DPP7: variants seen among roughly 807,000 people sequenced by gnomAD.
DPP7 encodes dipeptidyl peptidase 7.
A neutral mutation model predicts 58.8 loss-of-function variants in DPP7; 74 were observed. The observed-to-expected ratio is 1.26, with a 90% CI of 1.04 to 1.53. The LOEUF is 1.53. DPP7 is among the 40% of genes most tolerant of loss of function. The probability of loss-of-function intolerance (pLI) is 0.00; values close to 1 mark genes in which losing one functional copy is unlikely to be tolerated. For missense variants in DPP7, 807 were observed against 692.3 expected (o/e 1.17, Z -1.86); for synonymous variants, 350 against 303.6 (o/e 1.15, Z -1.59).
Position 137,114,710 on chromosome 9 carries a change from C to T in DPP7, c.4G>A (p.Gly2Ser). 1 of 1,285,838 alleles carries T rather than the reference C, an allele frequency of 7.8e-7. No individual in the cohort carries two copies. The highest frequency in any genetic ancestry group is 4.2e-5 in the Admixed American group (1 of 23,704). 79.7% of individuals were successfully genotyped at this position (1,285,838 alleles called of 1,614,324 possible). Residue 2 changes from glycine (G) to serine (S), a missense_variant, in exon 1 of 13, where the codon GGC (glycine) becomes AGC (serine). Gly to Ser is a moderately conservative substitution (Grantham distance 56, BLOSUM62 0). Coordinates refer to ENST00000371579, the MANE Select transcript of DPP7 (RefSeq NM_013379.3). M[G>S]SAPWAPVLLL... Reference sequence around the variant, plus strand: ...AGGACCGGGGCCCAGGGAGCGGAGCCCATGTCGCCTTCCGCGGGCGCCCGT... The same window carrying T: ...AGGACCGGGGCCCAGGGAGCGGAGCTCATGTCGCCTTCCGCGGGCGCCCGT...
rs756642988 is a variant in DPP7, at chr9:137,112,163, A to C, written c.999T>G (p.Ala333=). 2 of 1,609,542 alleles carry C rather than the reference A, an allele frequency of 1.2e-6. No homozygotes were observed. The highest frequency in any genetic ancestry group is 1.7e-6 in the Non-Finnish European group (2 of 1,179,692). The change falls in exon 9 of 13, where the codon GCT becomes GCG. Residue 333 remains alanine (A), a synonymous_variant. Transcript: ENST00000371579. The part of the protein sequence containing the change: ...YDIYRLYHSC[A]DPTGCGTGPD... Reference sequence around the variant, plus strand: ...GGCCGGTGCCGCAGCCAGTGGGGTCAGCACAGCTGTGGTAGAGCCGGTAGA... The same window carrying C: ...GGCCGGTGCCGCAGCCAGTGGGGTCCGCACAGCTGTGGTAGAGCCGGTAGA...
chr9:137,116,271 G>T (rs1831633448), upstream of DPP7, among the ~76,000 whole-genome samples: 1 of 152,374 alleles, frequency 6.6e-6, no homozygotes, highest in South Asian at 2.1e-4. Flanking sequence ...CTCTGCCAGG[G>T]GTGAGGGTGG....
In DPP7 at chr9:137,113,036, G is replaced by C; in HGVS notation, c.787C>G (p.Arg263Gly). 1.2e-6 allele frequency: 2 copies of C among 1,613,836 alleles called. No homozygotes were observed. Among genetic ancestry groups the C allele is most frequent in the East Asian group, 2.2e-5 (1 of 44,880 alleles). ...KDLTQLFMFA[R>G]NAFTVLAMMD... ...ATGGCCAGCACGGTGAAGGCATTCC[G>C]GGCGAACATGAAGAGCTGGGTCAGG... The change falls in exon 7 of 13, where the codon CGG becomes GGG. Residue 263 changes from arginine (R) to glycine (G), a missense_variant. This residue lies in a region of DPP7 where 624 missense variants were observed against 531.2 expected (regional missense o/e 1.17). Transcript: ENST00000371579.
upstream of DPP7, chr9:137,115,106 G>A (rs906395686): frequency 1.1e-5 from 2 of 175,192 alleles, no homozygotes; most frequent in African/African-American, 4.7e-5. Flanking sequence ...CTGCCCTAAG[G>A]GCGGGAGGGA....
chr9:137,115,667 C>G (rs1263282738), upstream of DPP7, among the ~76,000 whole-genome samples: 1 of 152,122 alleles, frequency 6.6e-6, no homozygotes, highest in South Asian at 2.1e-4. Flanking sequence ...TTCCACAGCC[C>G]CTCACGCCAT....
Position 137,111,675 on chromosome 9 carries a change from C to G in DPP7, c.1272+15G>C, listed in dbSNP as rs777084651. ...AACAAACTAACGGGGTCATAGGGCC[C>G]AGGCCAGGACTCACCCCGCCCCCTG... On this transcript the variant is annotated intron_variant, in intron 11 of 12. Coordinates refer to ENST00000371579, the MANE Select transcript of DPP7 (RefSeq NM_013379.3). 15 of 1,612,858 alleles carry G rather than the reference C, an allele frequency of 9.3e-6. No homozygotes were observed. The South Asian group carries it at 1.4e-4, about 15-fold the overall frequency.
Position 137,113,951 on chromosome 9 carries a change from C to G in DPP7, c.399G>C (p.Gln133His), listed in dbSNP as rs1831506988. 6.3e-7 allele frequency: 1 copy of G among 1,587,906 alleles called. No individual in the cohort carries two copies. The highest frequency in any genetic ancestry group is 1.3e-5 in the African/African-American group (1 of 74,384). The change falls in exon 4 of 13, where the codon CAG becomes CAC. Residue 133 changes from glutamine (Q) to histidine (H), a missense_variant. Physicochemically the swap from Gln to His is conservative, Grantham distance 24. Coordinates refer to ENST00000371579, the MANE Select transcript of DPP7 (RefSeq NM_013379.3). ...GCAGCTCTGCGAAGTCGGCCAGGGC[C>G]TGCTCCACCGTCAGCAGCTCCGTGT... ...RGHTELLTVE[Q>H]ALADFAELLR...
rs751841020 is a variant in DPP7 at position 137,113,143 on chromosome 9, G to A, written c.704-24C>T. ...GGCTGCGTGGAAGGGGCAGAGACTT[G>A]AAGTTTGGGCATAGCTGGCGCTGGG... On this transcript the variant is annotated intron_variant, in intron 6 of 12. Transcript: ENST00000371579. 3 of 1,613,694 alleles carry A rather than the reference G, an allele frequency of 1.9e-6. No individual in the cohort carries two copies. The African/African-American group carries it at 4.0e-5, about 22-fold the overall frequency.
At position 137,110,637 on chromosome 9, in the gene DPP7, C is replaced by G; in HGVS notation, c.*11G>C. 1 of 1,609,596 alleles carries G rather than the reference C, an allele frequency of 6.2e-7. No individual in the cohort carries two copies. The highest frequency in any genetic ancestry group is 8.5e-7 in the Non-Finnish European group (1 of 1,179,700). On this transcript the variant is annotated 3_prime_UTR_variant, in exon 13 of 13. Transcript: ENST00000371579. ...TCCATGAGGAGCCTTGAGACCCCTC[C>G]AGTCCTGTGCTCAGAGGCTGAGTCT...
Position 137,110,860 on chromosome 9 carries a change from C to CA in DPP7, c.1343+19dup. On this transcript the variant is annotated intron_variant, in intron 12 of 12. Coordinates refer to ENST00000371579, the MANE Select transcript of DPP7 (RefSeq NM_013379.3). ...GTCCCGCCCGACCCGCGACCACCGCCAGGCCACCTCCCTCCGCACCTGAGG... is the reference window on the plus strand; with the variant it reads ...GTCCCGCCCGACCCGCGACCACCGCCAAGGCCACCTCCCTCCGCACCTGAGG... 6.2e-7 allele frequency: 1 copy of CA among 1,609,384 alleles called. No individual in the cohort carries two copies.
chr9:137,112,111 C>A lies in DPP7; in HGVS notation c.1050+1G>T. On this transcript the variant is annotated splice_donor_variant, in intron 9 of 12. Coordinates refer to ENST00000371579, the MANE Select transcript of DPP7 (RefSeq NM_013379.3). LOFTEE classifies it high-confidence loss of function. ...GTTCCAGGCCACCCACACCCCCACACCTGGTAGTCCCAGGCCCTGGCGTCG... is the reference window on the plus strand; with the variant it reads ...GTTCCAGGCCACCCACACCCCCACAACTGGTAGTCCCAGGCCCTGGCGTCG... 6.2e-7 allele frequency: 1 copy of A among 1,611,864 alleles called. No homozygotes were observed. Among genetic ancestry groups the A allele is most frequent in the Non-Finnish European group, 8.5e-7 (1 of 1,179,562 alleles).
chr9:137,112,434 C>T (rs1831417196), intron 8 of DPP7: 4 of 622,566 alleles, frequency 6.4e-6, no homozygotes, highest in Non-Finnish European at 1.1e-5. Flanking sequence ...CTGTTGAGGG[C>T]CCCCCCGCTC....
chr9:137,113,876 G>A lies in DPP7; in HGVS notation c.474C>T (p.Ala158=). Residue 158 remains alanine, a synonymous_variant, in exon 4 of 13, where the codon GCC becomes GCT. Transcript: ENST00000371579. ...DLGAQDAPAI[A]FGGSYGGMLS... The stretch of plus-strand genomic sequence containing the variant: ...GGGGAGGCGCCCACCTTCCACCGAA[G>A]GCGATGGCGGGGGCATCCTGGGCCC... The A allele has an allele frequency of 6.4e-7, 1 of 1,551,222 alleles. No individual in the cohort carries two copies. The highest frequency in any genetic ancestry group is 8.7e-7 in the Non-Finnish European group (1 of 1,153,986).
chr9:137,110,588 C>T lies in DPP7; in HGVS notation c.*60G>A, dbSNP rs1026382575. 13 of 1,572,094 alleles carry T rather than the reference C, an allele frequency of 8.3e-6. No individual in the cohort carries two copies. The highest frequency in any genetic ancestry group is 2.7e-5 in the African/African-American group (2 of 73,676). On this transcript the variant is annotated 3_prime_UTR_variant, in exon 13 of 13. Transcript: ENST00000371579. ...TTATTCAGCCCCTTCCCTCTGCCGC[C>T]AGCTGCTTGAGTGAAGCCCCCACTC...
chr9:137,115,604 C>T (rs117072386), upstream of DPP7, among the ~76,000 whole-genome samples: 3,260 of 152,300 alleles, frequency 0.021, 59 homozygotes, highest in Non-Finnish European at 0.034. Flanking sequence ...CCTCGGCCAG[C>T]ATGACCCTGC....
At chr9:137,113,686 G>A (rs1442849057) in intron 4 of DPP7, 179 bp downstream of exon 4, 3 of 1,424,224 alleles carry the variant, frequency 2.1e-6, no homozygotes, top group Middle Eastern at 2.6e-4. Context: ...AAGCTGAGCA[G>A]GTGGCTGGGA....
chr9:137,113,064 C>T lies in DPP7; in HGVS notation c.759G>A (p.Lys253=). 2.5e-6 allele frequency: 4 copies of T among 1,613,924 alleles called. No homozygotes were observed. Among genetic ancestry groups the T allele is most frequent in the Non-Finnish European group, 3.4e-6 (4 of 1,180,016 alleles). ...FGTCQPLSDE[K]DLTQLFMFAR... ...CGAACATGAAGAGCTGGGTCAGGTC[C>T]TTCTCGTCTGACAGCGGCTGGCAGG... is the stretch of plus-strand genomic sequence containing the variant. The change falls in exon 7 of 13, where the codon AAG becomes AAA. Residue 253 remains lysine (K), a synonymous_variant. Coordinates refer to ENST00000371579, the MANE Select transcript of DPP7 (RefSeq NM_013379.3).
intron 11 of DPP7, among the ~76,000 whole-genome samples, chr9:137,111,418 T>A (rs1831359392): frequency 6.6e-6 from 1 of 152,116 alleles, no homozygotes; most frequent in Admixed American, 6.5e-5. Context: ...TGGGAGGCCA[T>A]GCGGGGAAGA....
At chr9:137,113,644 C>T (rs1252884552) in intron 4 of DPP7, 148 bp from the exon 5 acceptor site, 2 of 1,428,752 alleles carry the variant, frequency 1.4e-6, no homozygotes, top group Non-Finnish European at 1.8e-6. Flanking sequence ...GCAGCTCTCA[C>T]TGGGAAAGGC....
Sources: gnomAD v4.1 joint callset for allele counts (sites outside exome capture counted in the v4.1 genomes callset) on GRCh38, gnomAD v4.1.1 for gene constraint, gnomAD v4.1.1 regional missense constraint, MANE v1.5 for transcripts, NCBI Gene and HGNC (gene_info 2026-07-23, HGNC 2026-07-21) for gene names.